CNTNAP2: variants seen among roughly 807,000 people sequenced by gnomAD.
The protein encoded by CNTNAP2 is contactin-associated protein-like 2.
In CNTNAP2, 98 loss-of-function variants were observed where a neutral mutation model predicts 155.2. The ratio of observed to expected loss-of-function variants is 0.63; its 90% CI spans 0.54 to 0.75. The LOEUF is 0.75. Ranked by LOEUF, CNTNAP2 falls within the 30% of genes least tolerant of loss-of-function variation. The probability of loss-of-function intolerance (pLI) is 0.00; values close to 1 mark genes in which losing one functional copy is unlikely to be tolerated. For synonymous variants in CNTNAP2, 651 were observed against 631.2 expected, an observed-to-expected ratio of 1.03 and a Z score of -0.47; for missense variants, 1,727 against 1,688.1, an observed-to-expected ratio of 1.02 and a Z score of -0.40.
At chr7:147,350,582 G>A (rs927187060) in intron 9 of CNTNAP2, among the ~76,000 whole-genome samples, 12 of 151,864 alleles carry the variant, frequency 7.9e-5, no homozygotes, top group South Asian at 4.2e-4. Context: ...GTGTGTGCAC[G>A]TGTGACTTAG....
chr7:146,483,282 AATATATATATATATATATAT>A (rs200796835), intron 1 of CNTNAP2, among the ~76,000 whole-genome samples: 24 of 39,880 alleles, frequency 6.0e-4, no homozygotes, highest in South Asian at 1.7e-3. Context: ...TCTAAAAAAA[AATATATATATATATATATAT>A]ATATATATAT....
chr7:147,595,882 G>A (rs576601856), intron 12 of CNTNAP2, among the ~76,000 whole-genome samples: 5 of 152,166 alleles, frequency 3.3e-5, no homozygotes, highest in Admixed American at 2.0e-4. Flanking sequence ...AAGACTCTCC[G>A]TGACCTCTAA....
chr7:147,353,121 A>G (rs1584893373), intron 9 of CNTNAP2, among the ~76,000 whole-genome samples: 2 of 151,618 alleles, frequency 1.3e-5, no homozygotes, highest in Non-Finnish European at 2.9e-5. Context: ...GTATATGTAT[A>G]TATACATACA....
At chr7:148,335,279 C>T (rs1413187812) in intron 21 of CNTNAP2, among the ~76,000 whole-genome samples, 1 of 152,160 alleles carries the variant, frequency 6.6e-6, no homozygotes, top group African/African-American at 2.4e-5. Context: ...AGGGAAAAGA[C>T]AATGAAATCC....
At chr7:148,198,028 C>T (rs1325334012) in intron 18 of CNTNAP2, among the ~76,000 whole-genome samples, 1 of 152,168 alleles carries the variant, frequency 6.6e-6, no homozygotes, top group Non-Finnish European at 1.5e-5. Context: ...GTATCTTTTC[C>T]CTGCGCGAAT....
At chr7:147,624,098 AC>A (rs1794923227) in intron 12 of CNTNAP2, among the ~76,000 whole-genome samples, 2 of 152,158 alleles carry the variant, frequency 1.3e-5, no homozygotes, top group African/African-American at 4.8e-5. Flanking sequence ...CTCAACATAT[AC>A]AAAAAGCAAA....
chr7:147,406,101 A>T (rs1797000320), intron 10 of CNTNAP2, among the ~76,000 whole-genome samples: 1 of 152,204 alleles, frequency 6.6e-6, no homozygotes, highest in African/African-American at 2.4e-5. Flanking sequence ...GAAGACTTGT[A>T]TCATTCCCCA....
At chr7:147,645,777 GA>G (rs1470347167) in intron 13 of CNTNAP2, among the ~76,000 whole-genome samples, 3 of 152,006 alleles carry the variant, frequency 2.0e-5, no homozygotes, top group Non-Finnish European at 2.9e-5. Flanking sequence ...AGTTAACTAA[GA>G]AAAAAATGAG....
rs115004134 is a variant in CNTNAP2, at chr7:146,525,880, A to G, written c.98-248391A>G. Among the ~76,000 whole-genome samples the G allele has an allele frequency of 1.9e-3, 282 of 152,194 alleles. 2 individuals are homozygous for G. The highest frequency in any genetic ancestry group is 6.5e-3 in the African/African-American group (272 of 41,540). On this transcript the variant is annotated intron_variant, in intron 1 of 23. Transcript: ENST00000361727. ...TCTCACCCATGATAATGTTTGTCAT[A>G]AATGTGACACAAATCCAGTCCCCAT... is the stretch of plus-strand genomic sequence containing the variant.
intron 13 of CNTNAP2, among the ~76,000 whole-genome samples, chr7:147,683,015 T>C (rs1584897621): frequency 6.6e-6 from 1 of 151,880 alleles, no homozygotes. Flanking sequence ...CTAATGATCC[T>C]ACTATTTACT....
intron 1 of CNTNAP2, among the ~76,000 whole-genome samples, chr7:146,753,583 A>C (rs1801942615): frequency 6.6e-6 from 1 of 152,052 alleles, no homozygotes; most frequent in Non-Finnish European, 1.5e-5. Context: ...GTTAGATAAA[A>C]TCATGTTGAA....
At chr7:146,923,136 C>G (rs1451384798) in intron 3 of CNTNAP2, among the ~76,000 whole-genome samples, 4 of 152,110 alleles carry the variant, frequency 2.6e-5, no homozygotes, top group Non-Finnish European at 5.9e-5. Context: ...TCAGTTTCCT[C>G]TCTGTGTTTT....
At chr7:146,855,426 C>T (rs1212306133) in intron 3 of CNTNAP2, among the ~76,000 whole-genome samples, 5 of 152,046 alleles carry the variant, frequency 3.3e-5, no homozygotes, top group African/African-American at 7.2e-5. Flanking sequence ...ATATTGGAAA[C>T]TATCTTTATG....
intron 11 of CNTNAP2, among the ~76,000 whole-genome samples, chr7:147,519,423 A>T (rs1799191887): frequency 6.6e-6 from 1 of 152,172 alleles, no homozygotes; most frequent in Non-Finnish European, 1.5e-5. Context: ...CTACCTCAAG[A>T]TCCTTAACCT....
At chr7:147,139,560 A>T (rs1801554990) in intron 8 of CNTNAP2, among the ~76,000 whole-genome samples, 1 of 152,078 alleles carries the variant, frequency 6.6e-6, no homozygotes, top group African/African-American at 2.4e-5. Context: ...TAACTTGACC[A>T]GGAAATTCAG....
intron 10 of CNTNAP2, among the ~76,000 whole-genome samples, chr7:147,475,240 T>C (rs1798297051): frequency 6.6e-6 from 1 of 152,214 alleles, no homozygotes; most frequent in Admixed American, 6.5e-5. Context: ...GTGTATAAGA[T>C]AAATTCTTAG....
chr7:146,757,028 G>A (rs1484337382), intron 1 of CNTNAP2, among the ~76,000 whole-genome samples: 1 of 152,040 alleles, frequency 6.6e-6, no homozygotes, highest in Non-Finnish European at 1.5e-5. Flanking sequence ...TTCCCTTAAG[G>A]ATGCATCATT....
chr7:147,390,816 AATAAC>A (rs1282248147), intron 9 of CNTNAP2, among the ~76,000 whole-genome samples: 1 of 152,122 alleles, frequency 6.6e-6, no homozygotes, highest in Non-Finnish European at 1.5e-5. Flanking sequence ...AGGTATTTAA[AATAAC>A]ATAATTATAA....
At chr7:147,260,451 A>G (rs531492259) in intron 8 of CNTNAP2, among the ~76,000 whole-genome samples, 1 of 152,206 alleles carries the variant, frequency 6.6e-6, no homozygotes, top group Admixed American at 6.5e-5. Context: ...AGCCTTGTAG[A>G]TTATCTTCAA....
Sources: allele counts gnomAD v4.1 joint callset (sites outside exome capture counted in the v4.1 genomes callset), GRCh38; gene constraint gnomAD v4.1.1; transcripts MANE v1.5; gene names NCBI Gene and HGNC (gene_info 2026-07-23, HGNC 2026-07-21).